Variants in AGBL4 observed in about 807,000 individuals in gnomAD.
AGBL4 encodes AGBL carboxypeptidase 4.
A neutral mutation model predicts 66.4 loss-of-function variants in AGBL4; 58 were observed. The ratio of observed to expected loss-of-function variants is 0.87; its 90% CI spans 0.71 to 1.09. The LOEUF is 1.09. AGBL4 is among the 50% of genes least tolerant of loss of function. The pLI is 0.00. For synonymous variants in AGBL4, 234 were observed against 222.9 expected (o/e 1.05, Z -0.44); for missense variants, 579 against 631.0 (o/e 0.92, Z 0.88).
intron 1 of AGBL4, among the ~76,000 whole-genome samples, chr1:49,998,563 G>A (rs1660523756): frequency 6.6e-6 from 1 of 152,054 alleles, no homozygotes; most frequent in Non-Finnish European, 1.5e-5. Context: ...CAGAGAAAGA[G>A]GTAACCCTCC....
At chr1:48,542,081 A>G (rs1400774568) in intron 11 of AGBL4, among the ~76,000 whole-genome samples, 1 of 152,150 alleles carries the variant, frequency 6.6e-6, no homozygotes, top group East Asian at 1.9e-4. Context: ...TATGAGTGAG[A>G]ACATATGGTG....
In AGBL4 at chr1:49,378,928, C is replaced by A. The variant is rs906456670; in HGVS notation, c.283-133064G>T. On this transcript the variant is annotated intron_variant, in intron 3 of 13. Transcript: ENST00000371839. ...AGAAGTTCACTGTTAATGATTCTCT[C>A]CAGAGAAGGTTTTTTTTAAAAGGAA... 4.6e-5 allele frequency among the ~76,000 whole-genome samples: 7 copies of A among 151,950 alleles called. 1 individual carries two copies. Among genetic ancestry groups the A allele is most frequent in the African/African-American group, 1.7e-4 (7 of 41,362 alleles).
intron 6 of AGBL4, among the ~76,000 whole-genome samples, chr1:48,775,596 T>C (rs888460408): frequency 1.3e-5 from 2 of 152,228 alleles, no homozygotes; most frequent in African/African-American, 4.8e-5. Flanking sequence ...GAGATGATAC[T>C]TCCCCCTTCC....
At chr1:49,954,461 T>C (rs1344084047) in intron 1 of AGBL4, among the ~76,000 whole-genome samples, 2 of 151,982 alleles carry the variant, frequency 1.3e-5, no homozygotes, top group South Asian at 2.1e-4. Flanking sequence ...TTTCCCACCA[T>C]ATTCTTGCCC....
chr1:50,013,700 C>T (rs1442103863), intron 1 of AGBL4, among the ~76,000 whole-genome samples: 1 of 152,060 alleles, frequency 6.6e-6, no homozygotes, highest in Non-Finnish European at 1.5e-5. Context: ...TAAGTTCTTC[C>T]TAATATGTTT....
chr1:48,854,755 GA>G (rs1319978861), intron 6 of AGBL4, among the ~76,000 whole-genome samples: 1 of 152,180 alleles, frequency 6.6e-6, no homozygotes, highest in Non-Finnish European at 1.5e-5. Flanking sequence ...CACAGAATGA[GA>G]AGTGATAAAA....
intron 2 of AGBL4, among the ~76,000 whole-genome samples, chr1:49,776,248 T>C (rs373554415): frequency 1.3e-5 from 2 of 152,278 alleles, no homozygotes; most frequent in African/African-American, 4.8e-5. Flanking sequence ...TCCATCTTTG[T>C]TGTCCACAGG....
At chr1:49,869,580 A>G (rs963354894) in intron 1 of AGBL4, among the ~76,000 whole-genome samples, 8 of 152,094 alleles carry the variant, frequency 5.3e-5, no homozygotes, top group East Asian at 1.9e-4. Context: ...AAAAACACAC[A>G]CCGGGGCCTG....
chr1:49,392,944 T>C (rs1365478047), intron 3 of AGBL4, among the ~76,000 whole-genome samples: 2 of 152,220 alleles, frequency 1.3e-5, no homozygotes, highest in Admixed American at 6.5e-5. Context: ...AAGTAAGTAT[T>C]ATAATAAGCA....
chr1:49,601,348 A>G (rs909788885), intron 3 of AGBL4, among the ~76,000 whole-genome samples: 2 of 150,074 alleles, frequency 1.3e-5, no homozygotes, highest in African/African-American at 2.5e-5. Flanking sequence ...TTTTTTTTCT[A>G]ATCTTATCTT....
chr1:49,232,052 C>A lies in AGBL4; in HGVS notation c.377+13718G>T, dbSNP rs374569464. ...TTATGATGGGTTTATCAGATTGTAA[C>A]CCCATCATAAATTCTGGGAGGTTGG... On this transcript the variant is annotated intron_variant, in intron 4 of 13. Transcript: ENST00000371839. 4.5e-4 allele frequency among the ~76,000 whole-genome samples: 68 copies of A among 152,084 alleles called. 2 individuals carry two copies. In the East Asian group the frequency reaches 0.01, roughly 23 times the overall value.
intron 6 of AGBL4, among the ~76,000 whole-genome samples, chr1:48,845,154 T>A (rs1352455626): frequency 6.6e-6 from 1 of 152,090 alleles, no homozygotes; most frequent in Non-Finnish European, 1.5e-5. Flanking sequence ...AAGAGTAAGG[T>A]CAAAGCTATG....
At chr1:49,643,480 G>A (rs1645824678) in intron 3 of AGBL4, among the ~76,000 whole-genome samples, 1 of 151,086 alleles carries the variant, frequency 6.6e-6, no homozygotes, top group African/African-American at 2.4e-5. Context: ...AAAAGTTTAA[G>A]AAGTTCAACA....
intron 3 of AGBL4, among the ~76,000 whole-genome samples, chr1:49,329,437 G>A (rs941416539): frequency 4.6e-5 from 7 of 152,090 alleles, no homozygotes; most frequent in Admixed American, 2.0e-4. Flanking sequence ...AGGCTGAGGC[G>A]GGTGGATTGC....
intron 4 of AGBL4, among the ~76,000 whole-genome samples, chr1:49,192,655 G>C (rs1335648257): frequency 6.6e-6 from 1 of 152,178 alleles, no homozygotes; most frequent in Non-Finnish European, 1.5e-5. Flanking sequence ...AGAAGCGTCT[G>C]TTCATGTCCT....
intron 3 of AGBL4, among the ~76,000 whole-genome samples, chr1:49,525,080 A>G (rs1650553209): frequency 6.6e-6 from 1 of 152,074 alleles, no homozygotes; most frequent in African/African-American, 2.4e-5. Flanking sequence ...GCTGTTAGGA[A>G]TATATTTATT....
chr1:48,908,287 C>A (rs1045768743), intron 5 of AGBL4, among the ~76,000 whole-genome samples: 3 of 152,138 alleles, frequency 2.0e-5, no homozygotes, highest in Non-Finnish European at 4.4e-5. Context: ...TCATGGCAAA[C>A]TCTTTAAAGT....
chr1:49,951,682 T>C (rs916609284), intron 1 of AGBL4, among the ~76,000 whole-genome samples: 2 of 151,958 alleles, frequency 1.3e-5, no homozygotes, highest in Non-Finnish European at 2.9e-5. Context: ...CAAATAAATA[T>C]CAATTTCTTT....
chr1:49,125,708 T>C (rs1417395166), intron 4 of AGBL4, among the ~76,000 whole-genome samples: 2 of 152,198 alleles, frequency 1.3e-5, no homozygotes, highest in African/African-American at 2.4e-5. Flanking sequence ...CTCACAGTGA[T>C]GCAAGCAGTA....
Sources: allele counts gnomAD v4.1 joint callset (sites outside exome capture counted in the v4.1 genomes callset), GRCh38; gene constraint gnomAD v4.1.1; transcripts MANE v1.5; gene names NCBI Gene and HGNC (gene_info 2026-07-23, HGNC 2026-07-21).